SORCS2: variants seen among roughly 807,000 people sequenced by gnomAD.
The protein encoded by SORCS2 is sortilin related VPS10 domain containing receptor 2, also known as VPS10 domain-containing receptor SorCS2.
In SORCS2, 100 loss-of-function variants were observed where a neutral mutation model predicts 141.6. The observed-to-expected ratio is 0.71, with a 90% CI of 0.60 to 0.83. The LOEUF (loss-of-function observed/expected upper bound fraction) is 0.83. Among genes scored for constraint, SORCS2 ranks in the 40% least tolerant of loss-of-function variants. The probability of loss-of-function intolerance (pLI) is 0.00; values close to 1 mark genes in which losing one functional copy is unlikely to be tolerated. For synonymous variants in SORCS2, 789 were observed against 676.9 expected, an observed-to-expected ratio of 1.17 and a Z score of -2.57; for missense variants, 1,646 against 1,560.2, an observed-to-expected ratio of 1.05 and a Z score of -0.93.
At chr4:7,689,419 A>T in intron 10 of SORCS2, 67 bp from the exon 11 acceptor site, 1 of 1,465,654 alleles carries the variant, frequency 6.8e-7, no homozygotes, top group South Asian at 1.2e-5. Context: ...ATTTGTCATC[A>T]GGCTTAGTTT....
chr4:7,316,791 C>T lies in SORCS2; in HGVS notation c.481-79497C>T, dbSNP rs139808631. ...ATGTGTTACCAAAAGCACTAGCCCA[C>T]ACTCCCCCGTGGAGGAATCATAGCT... On this transcript the variant is annotated intron_variant, in intron 1 of 26. Coordinates refer to ENST00000507866, the MANE Select transcript of SORCS2 (RefSeq NM_020777.3). Among the ~76,000 whole-genome samples the T allele has an allele frequency of 1.6e-3, 240 of 152,318 alleles. 1 individual carries two copies. The highest frequency in any genetic ancestry group is 4.8e-3 in the African/African-American group (200 of 41,574).
At chr4:7,446,212 T>C (rs28553447) in intron 2 of SORCS2, among the ~76,000 whole-genome samples, 11,652 of 152,012 alleles carry the variant, frequency 0.077, 1,502 homozygotes, top group African/African-American at 0.27. Flanking sequence ...AAGAACCTTA[T>C]TTCCCAGCAG....
At chr4:7,403,471 G>A (rs1243713799) in intron 2 of SORCS2, among the ~76,000 whole-genome samples, 1 of 152,164 alleles carries the variant, frequency 6.6e-6, no homozygotes, top group Non-Finnish European at 1.5e-5. Flanking sequence ...CAGTGGGGCA[G>A]GGGGAGTACA....
intron 2 of SORCS2, among the ~76,000 whole-genome samples, chr4:7,500,962 A>G (rs1731935462): frequency 6.6e-6 from 1 of 152,166 alleles, no homozygotes; most frequent in South Asian, 2.1e-4. Flanking sequence ...CTTCCCAGGG[A>G]GCTCGGCTCA....
Position 7,422,039 on chromosome 4 carries a change from G to A in SORCS2, c.548+25684G>A, listed in dbSNP as rs566348049. On this transcript the variant is annotated intron_variant, in intron 2 of 26. Coordinates refer to ENST00000507866, the MANE Select transcript of SORCS2 (RefSeq NM_020777.3). ...GGTTGAACCACACCGGTGCAGTCCA[G>A]CCTGGTCGGTGCCCCCTTTGCTACT... Among the ~76,000 whole-genome samples the A allele has an allele frequency of 3.9e-5, 6 of 152,300 alleles. No homozygotes were observed. In the South Asian group the frequency reaches 1.0e-3, roughly 26 times the overall value.
chr4:7,736,467 G>A (rs766400967), intron 25 of SORCS2, among the ~76,000 whole-genome samples: 1 of 152,186 alleles, frequency 6.6e-6, no homozygotes, highest in South Asian at 2.1e-4. Flanking sequence ...CCCCTCATCT[G>A]TGAAATGGGA....
chr4:7,497,230 G>A (rs1048510510), intron 2 of SORCS2, among the ~76,000 whole-genome samples: 13 of 152,226 alleles, frequency 8.5e-5, no homozygotes, highest in African/African-American at 2.4e-4. Context: ...AGAAAGGAAC[G>A]TGTCAGGAGA....
rs1712593723 is a variant in SORCS2 at position 7,740,594 on chromosome 4, T to C, written c.*330T>C. ...CCTGACTTCTCTGGGCTGAGGCTGG[T>C]CGTCCTGGAGCCCTCCCAGTACCTC... On this transcript the variant is annotated 3_prime_UTR_variant, in exon 27 of 27. Coordinates refer to ENST00000507866, the MANE Select transcript of SORCS2 (RefSeq NM_020777.3). 2.5e-6 allele frequency: 1 copy of C among 398,842 alleles called. No individual in the cohort carries two copies. The highest frequency in any genetic ancestry group is 2.0e-5 in the African/African-American group (1 of 50,390). 24.7% of individuals were successfully genotyped at this position (398,842 alleles called of 1,614,324 possible). A position where few individuals can be genotyped will look rare whatever the true frequency, so the allele number is the denominator to read the frequency against.
At chr4:7,560,949 C>T (rs999994159) in intron 3 of SORCS2, among the ~76,000 whole-genome samples, 1 of 152,122 alleles carries the variant, frequency 6.6e-6, no homozygotes, top group African/African-American at 2.4e-5. Flanking sequence ...ACACTCTTGT[C>T]CATGGCTGCA....
At chr4:7,492,786 C>T (rs1253048061) in intron 2 of SORCS2, among the ~76,000 whole-genome samples, 2 of 152,202 alleles carry the variant, frequency 1.3e-5, no homozygotes, top group African/African-American at 4.8e-5. Context: ...CTTCTTAATA[C>T]AGCCAGGCTT....
intron 2 of SORCS2, among the ~76,000 whole-genome samples, chr4:7,515,314 C>A (rs1225866582): frequency 6.6e-6 from 1 of 152,198 alleles, no homozygotes; most frequent in Non-Finnish European, 1.5e-5. Context: ...GGAGTAATAT[C>A]ATTAACCATG....
At chr4:7,692,480 T>C (rs765033271) in intron 11 of SORCS2, among the ~76,000 whole-genome samples, 6 of 152,110 alleles carry the variant, frequency 3.9e-5, no homozygotes, top group Non-Finnish European at 7.4e-5. Context: ...TGAGACAGGG[T>C]ATGGCAGGAA....
chr4:7,606,990 C>G (rs1462953867), intron 3 of SORCS2, among the ~76,000 whole-genome samples: 5 of 152,206 alleles, frequency 3.3e-5, no homozygotes, highest in Non-Finnish European at 7.3e-5. Flanking sequence ...ATAAGTCCTA[C>G]ACTTTATATG....
At chr4:7,295,849 A>G (rs1717013339) in intron 1 of SORCS2, among the ~76,000 whole-genome samples, 1 of 152,210 alleles carries the variant, frequency 6.6e-6, no homozygotes, top group Non-Finnish European at 1.5e-5. Context: ...GGCCAGGCTG[A>G]TGGAGCAGCA....
At chr4:7,533,087 C>T (rs949871388) in intron 3 of SORCS2, among the ~76,000 whole-genome samples, 72 of 152,298 alleles carry the variant, frequency 4.7e-4, no homozygotes, top group African/African-American at 1.7e-3. Context: ...AAGAGGGAGG[C>T]ATCATTATCC....
chr4:7,640,462 G>T (rs1002590098), intron 4 of SORCS2, among the ~76,000 whole-genome samples: 9 of 81,634 alleles, frequency 1.1e-4, no homozygotes, highest in Non-Finnish European at 2.4e-4. Context: ...GTGTGTATGA[G>T]CGTGTGTGTG....
intron 3 of SORCS2, among the ~76,000 whole-genome samples, chr4:7,541,589 C>G (rs1258474588): frequency 6.6e-6 from 1 of 152,144 alleles, no homozygotes; most frequent in East Asian, 1.9e-4. Context: ...TGCTCGGGGG[C>G]GCCCAGGCAG....
Position 7,712,803 on chromosome 4 carries a change from A to G in SORCS2, c.1939A>G (p.Arg647Gly), listed in dbSNP as rs746275506. 1.2e-6 allele frequency: 2 copies of G among 1,613,936 alleles called. No individual in the cohort carries two copies. Residue 647 changes from arginine (R) to glycine (G), a missense_variant, in exon 15 of 27, where the codon AGG becomes GGG. Arg to Gly is a moderately radical substitution (Grantham distance 125). Coordinates refer to ENST00000507866, the MANE Select transcript of SORCS2 (RefSeq NM_020777.3). ...GGTGGACTTCCGGCCCTCATTCTCC[A>G]GGCAGTGCGGCGAGGAGGACTACAG... ...VKVDFRPSFS[R>G]QCGEEDYSSW... is the part of the protein sequence containing the mutation.
At chr4:7,212,232 C>A (rs890284893) in intron 1 of SORCS2, among the ~76,000 whole-genome samples, 2 of 152,206 alleles carry the variant, frequency 1.3e-5, no homozygotes, top group African/African-American at 4.8e-5. Flanking sequence ...CCACACGGCA[C>A]AGGTCAGCAT....
Sources: gnomAD v4.1 joint callset for allele counts (sites outside exome capture counted in the v4.1 genomes callset) on GRCh38, gnomAD v4.1.1 for gene constraint, MANE v1.5 for transcripts, NCBI Gene and HGNC (gene_info 2026-07-23, HGNC 2026-07-21) for gene names.